ACACB: variants seen among roughly 807,000 people sequenced by gnomAD.
The protein encoded by ACACB is acetyl-CoA carboxylase beta, also known as acetyl-CoA carboxylase 2.
A neutral mutation model predicts 278.8 loss-of-function variants in ACACB; 209 were observed. The observed-to-expected ratio is 0.75, with a 90% CI of 0.67 to 0.84. The LOEUF (loss-of-function observed/expected upper bound fraction) is 0.84, where lower values mean the gene tolerates loss of function less well. ACACB is among the 40% of genes least tolerant of loss of function. The pLI is 0.00. For missense variants in ACACB, 2,850 were observed against 3,269.0 expected (o/e 0.87, Z 3.13); for synonymous variants, 1,174 against 1,285.6 (o/e 0.91, Z 1.86).
chr12:109,165,264 G>A (rs1288135658), intron 2 of ACACB, among the ~76,000 whole-genome samples: 2 of 152,172 alleles, frequency 1.3e-5, no homozygotes, highest in Non-Finnish European at 2.9e-5. Flanking sequence ...TGATGTAGGG[G>A]CCTAGAGGAC....
At chr12:109,266,162 A>G (rs771667920) in intron 52 of ACACB, 74 bp from the exon 53 acceptor site, 20 of 1,546,166 alleles carry the variant, frequency 1.3e-5, no homozygotes, top group Non-Finnish European at 1.8e-5. Context: ...GCCCCACACA[A>G]GGACTCTGCC....
intron 35 of ACACB, 67 bp from the exon 36 acceptor site, chr12:109,241,005 TAGTATC>T: frequency 6.9e-7 from 1 of 1,459,116 alleles, no homozygotes; most frequent in Non-Finnish European, 9.6e-7. Context: ...ATCCTCTTAT[TAGTATC>T]AGTGCTATTG....
chr12:109,243,001 G>T (rs561724083), intron 37 of ACACB, among the ~76,000 whole-genome samples: 1 of 152,146 alleles, frequency 6.6e-6, no homozygotes, highest in African/African-American at 2.4e-5. Context: ...TGAAGAAAAA[G>T]AAATGAATGT....
chr12:109,265,274 T>C lies in ACACB; in HGVS notation c.7107T>C (p.Ala2369=), dbSNP rs1284429906. The change falls in exon 51 of 53, where the codon GCT becomes GCC. Residue 2369 remains alanine (A), a synonymous_variant. Coordinates refer to ENST00000338432, the MANE Select transcript of ACACB (RefSeq NM_001093.4). The part of the protein sequence containing the change: ...LRRWFVETEG[A]VKAYLWDNNQ... ...GCTGGTTCGTGGAGACGGAGGGGGC[T>C]GTCAAGGTGGGCCTGGGGTGAGAAC... is the stretch of plus-strand genomic sequence containing the variant. 2.5e-6 allele frequency: 4 copies of C among 1,612,674 alleles called. No homozygotes were observed. In the Admixed American group the frequency reaches 6.7e-5, roughly 27 times the overall value.
upstream of ACACB, among the ~76,000 whole-genome samples, chr12:109,112,258 ATATT>A (rs2042316175): frequency 6.7e-6 from 1 of 149,384 alleles, no homozygotes; most frequent in Non-Finnish European, 1.5e-5. Context: ...ATATGTATGT[ATATT>A]CAATATATAT....
Position 109,199,902 on chromosome 12 carries a change from A to G in ACACB, c.2778+350A>G, listed in dbSNP as rs374225050. ...GTGGCAGGCGCCTGTAGTCCCAGCT[A>G]TGCAGGAGGCTGAGGCAGGAGGATG... On this transcript the variant is annotated intron_variant, in intron 18 of 52. Transcript: ENST00000338432. 7.2e-5 allele frequency among the ~76,000 whole-genome samples: 11 copies of G among 151,998 alleles called. No individual in the cohort carries two copies. The East Asian group carries it at 1.4e-3, about 19-fold the overall frequency.
At position 109,227,440 on chromosome 12, in the gene ACACB, A is replaced by C; in HGVS notation, c.3952A>C (p.Thr1318Pro). 6.2e-7 allele frequency: 1 copy of C among 1,613,864 alleles called. No individual in the cohort carries two copies. The highest frequency in any genetic ancestry group is 8.5e-7 in the Non-Finnish European group (1 of 1,179,964). The change falls in exon 28 of 53, where the codon ACC (threonine) becomes CCC (proline). Residue 1318 changes from threonine (T) to proline (P), a missense_variant. Physicochemically the swap from Thr to Pro is conservative, Grantham distance 38 (BLOSUM62 -1). Coordinates refer to ENST00000338432, the MANE Select transcript of ACACB (RefSeq NM_001093.4). ...GCAGCACCGGCAGCTCCCGGACGGCACCTGCGTGGTAGAATTCCAGTTCAT... is the reference window on the plus strand; with the variant it reads ...GCAGCACCGGCAGCTCCCGGACGGCCCCTGCGTGGTAGAATTCCAGTTCAT... ...SLQHRQLPDGTCVVEFQFMLP... is the reference protein window; with the variant it reads ...SLQHRQLPDGPCVVEFQFMLP...
At chr12:109,167,621 G>GTGTATATA (rs1555210640) in intron 3 of ACACB, among the ~76,000 whole-genome samples, 4 of 77,528 alleles carry the variant, frequency 5.2e-5, no homozygotes, top group Admixed American at 1.5e-4. Context: ...ATATGTATGT[G>GTGTATATA]TATATATATA....
At chr12:109,166,309 G>A (rs1445834093) in intron 2 of ACACB, among the ~76,000 whole-genome samples, 1 of 151,892 alleles carries the variant, frequency 6.6e-6, no homozygotes, top group East Asian at 1.9e-4. Context: ...AATTAACTTA[G>A]GATTAAAAAT....
chr12:109,175,801 A>C (rs530985445), intron 7 of ACACB, 130 bp from the exon 8 acceptor site: 60 of 685,638 alleles, frequency 8.8e-5, no homozygotes, highest in Non-Finnish European at 1.5e-4. Flanking sequence ...AGCTGAAGGG[A>C]GTGTCTGTAT....
rs1206360026 is a variant in ACACB, at chr12:109,234,034, G to A, written c.4336G>A (p.Val1446Ile). Residue 1446 changes from valine to isoleucine, a missense_variant, in exon 31 of 53, where the codon GTA becomes ATA. Physicochemically the swap from Val to Ile is conservative, Grantham distance 29. Around this residue, in one of 3 missense-constraint regions of ACACB, gnomAD observed 2,265 missense variants for 2,561.3 expected, o/e 0.88. Coordinates refer to ENST00000338432, the MANE Select transcript of ACACB (RefSeq NM_001093.4). The part of the protein sequence containing the change: ...EALVPILRTF[V>I]QSKKNILVDY... ...ACTGGTGCCGATTTTACGGACATTCGTACAGTCCAAGGTACTCTGGGCGTG... is the reference window on the plus strand; with the variant it reads ...ACTGGTGCCGATTTTACGGACATTCATACAGTCCAAGGTACTCTGGGCGTG... 1.8e-5 allele frequency: 29 copies of A among 1,611,618 alleles called. No homozygotes were observed. Among genetic ancestry groups the A allele is most frequent in the Non-Finnish European group, 2.0e-5 (24 of 1,178,702 alleles).
rs1442768763 is a variant in ACACB, at chr12:109,164,072, T to TA, written c.654-2788dup. On this transcript the variant is annotated intron_variant, in intron 2 of 52. Coordinates refer to ENST00000338432, the MANE Select transcript of ACACB (RefSeq NM_001093.4). ...ACTTGAGCTCATCACTGTGAAATCATAGAGTTCTGGGGACAGAGGGACGCT... is the reference window on the plus strand; with the variant it reads ...ACTTGAGCTCATCACTGTGAAATCATAAGAGTTCTGGGGACAGAGGGACGCT... 2.0e-5 allele frequency among the ~76,000 whole-genome samples: 3 copies of TA among 152,284 alleles called. No individual in the cohort carries two copies. In the East Asian group the frequency reaches 5.8e-4, roughly 29 times the overall value.
chr12:109,229,859 C>T (rs1028146530), intron 28 of ACACB, among the ~76,000 whole-genome samples: 7 of 152,190 alleles, frequency 4.6e-5, no homozygotes, highest in Admixed American at 3.9e-4. Context: ...GTCTGAGTTC[C>T]TCACTCACAG....
At chr12:109,265,783 G>A (rs754765020) in intron 52 of ACACB, among the ~76,000 whole-genome samples, 2 of 152,222 alleles carry the variant, frequency 1.3e-5, no homozygotes, top group African/African-American at 4.8e-5. Context: ...CATGAACCTT[G>A]CTGGAATATG....
At chr12:109,227,331 T>C (rs751131631) in intron 27 of ACACB, 40 bp from the exon 28 acceptor site, 1 of 1,564,282 alleles carries the variant, frequency 6.4e-7, no homozygotes, top group East Asian at 2.3e-5. Context: ...CACTCTGCAG[T>C]GGCCCCTGAG....
rs753447548 is a variant in ACACB, at chr12:109,172,276, C to A, written c.1037C>A (p.Ala346Glu). ...GCTCACCCCTTTCTGTGTTTGCAGG[C>A]GGTGTGGGCTGGCTGGGGCCATGCT... Reference protein sequence around the residue: ...VDIAKRIPVQAVWAGWGHASE... With the variant: ...VDIAKRIPVQEVWAGWGHASE... The change falls in exon 6 of 53, where the codon GCG becomes GAG. Residue 346 changes from alanine (A) to glutamate (E), a missense_variant and splice_region_variant. By Grantham distance (107) the Ala-to-Glu change is moderately radical. Coordinates refer to ENST00000338432, the MANE Select transcript of ACACB (RefSeq NM_001093.4). The A allele has an allele frequency of 6.1e-5, 99 of 1,613,382 alleles. No individual in the cohort carries two copies. The highest frequency in any genetic ancestry group is 8.2e-5 in the Non-Finnish European group (97 of 1,179,882).
chr12:109,111,869 C>G (rs994601176), upstream of ACACB, among the ~76,000 whole-genome samples: 2 of 152,082 alleles, frequency 1.3e-5, no homozygotes, highest in African/African-American at 2.4e-5. Flanking sequence ...CTTTCCTTAT[C>G]TATGTAGGGA....
intron 45 of ACACB, among the ~76,000 whole-genome samples, chr12:109,256,529 A>G (rs1317178388): frequency 6.6e-6 from 1 of 152,160 alleles, no homozygotes; most frequent in Non-Finnish European, 1.5e-5. Flanking sequence ...AGAAAACTTC[A>G]CAGACACTGG....
At chr12:109,225,332 A>G (rs1593629040) in intron 27 of ACACB, among the ~76,000 whole-genome samples, 1 of 152,288 alleles carries the variant, frequency 6.6e-6, no homozygotes, top group East Asian at 1.9e-4. Flanking sequence ...GTTTGTGTCA[A>G]TTAGAGATTT....
Sources: allele counts gnomAD v4.1 joint callset (sites outside exome capture counted in the v4.1 genomes callset), GRCh38; gene constraint gnomAD v4.1.1; regional missense constraint gnomAD v4.1.1; transcripts MANE v1.5; gene names NCBI Gene and HGNC (gene_info 2026-07-23, HGNC 2026-07-21).